DMD: variants seen among roughly 807,000 people sequenced by gnomAD.
DMD encodes dystrophin.
A neutral mutation model predicts 330.1 loss-of-function variants in DMD; 63 were observed. The observed-to-expected ratio is 0.19, with a 90% confidence interval of 0.16 to 0.24. DMD has a LOEUF of 0.24. Among genes scored for constraint, DMD ranks in the 10% least tolerant of loss-of-function variants. DMD has a pLI of 1.00. For synonymous variants in DMD, 1,223 were observed against 959.8 expected (o/e 1.27, Z -5.07); for missense variants, 3,344 against 2,684.1 (o/e 1.25, Z -5.43).
At position 32,501,710 on chromosome X, in the gene DMD, T is replaced by C. The variant is rs779315364; in HGVS notation, c.2380+45A>G. The C allele has an allele frequency of 1.7e-5, 17 of 999,134 alleles. No homozygotes were observed. The Admixed American group carries it at 3.4e-4, about 20-fold the overall frequency. 82.3% of individuals were successfully genotyped at this position (999,134 alleles called of 1,213,427 possible). On this transcript the variant is annotated intron_variant, in intron 19 of 78. Coordinates refer to ENST00000357033, the MANE Select transcript of DMD (RefSeq NM_004006.3). Reference sequence around the variant, plus strand: ...GCTGATAAATATGAACCTATGTGTTTATCAAATCCCTAAGAAGATTATCTA... The same window carrying C: ...GCTGATAAATATGAACCTATGTGTTCATCAAATCCCTAAGAAGATTATCTA...
chrX:31,889,366 C>A (rs932067856), intron 47 of DMD, among the ~76,000 whole-genome samples: 1 of 110,730 alleles, frequency 9.0e-6, no homozygotes, highest in African/African-American at 3.3e-5. Flanking sequence ...TCACCTTGAT[C>A]TAAACCTACC....
chrX:33,156,598 TAAAAC>T lies in DMD; in HGVS notation c.31+54679_31+54683del, dbSNP rs200974263. ...ATAAGCAAGAGAGCCAGATTAAAAATAAAACAAAGTAGAAGGAGGAAAGAATGGGT... is the reference window on the plus strand; with the variant it reads ...ATAAGCAAGAGAGCCAGATTAAAAATAAAGTAGAAGGAGGAAAGAATGGGT... On this transcript the variant is annotated intron_variant, in intron 1 of 78. Transcript: ENST00000357033. Among the ~76,000 whole-genome samples the T allele has an allele frequency of 5.8e-3, 650 of 111,914 alleles. 6 individuals are homozygous for T. Among genetic ancestry groups the T allele is most frequent in the African/African-American group, 0.02 (625 of 30,845 alleles).
At position 31,507,444 on chromosome X, in the gene DMD, C is replaced by A. The variant is rs1359691596; in HGVS notation, c.8227G>T (p.Gly2743Cys). 5.0e-6 allele frequency: 6 copies of A among 1,201,855 alleles called. No homozygotes were observed. In the East Asian group the frequency reaches 1.8e-4, roughly 36 times the overall value. ...ELMKQWQDLQ[G>C]EIEAHTDVYH... ...ACATCTGTGTGAGCTTCAATTTCAC[C>A]TTGGAGGTCCTACAGGACAGCAGGA... The change falls in exon 56 of 79, where the codon GGT becomes TGT. Residue 2743 changes from glycine (G) to cysteine (C), a missense_variant. Gly to Cys is a radical substitution (Grantham distance 159, BLOSUM62 -3). Coordinates refer to ENST00000357033, the MANE Select transcript of DMD (RefSeq NM_004006.3).
At chrX:33,269,471 C>T (rs1032587209) in intron 1 of DMD, among the ~76,000 whole-genome samples, 7 of 110,965 alleles carry the variant, frequency 6.3e-5, no homozygotes, top group African/African-American at 2.3e-4. Context: ...GAGTTAAAAG[C>T]TACCTATTGG....
intron 44 of DMD, among the ~76,000 whole-genome samples, chrX:32,105,126 C>A (rs2096558439): frequency 8.9e-6 from 1 of 111,910 alleles, no homozygotes; most frequent in Non-Finnish European, 1.9e-5. Context: ...TACCAACACA[C>A]GTTAGTGCCA....
chrX:33,223,200 A>G (rs1035886541), intron 1 of DMD, among the ~76,000 whole-genome samples: 1 of 111,817 alleles, frequency 8.9e-6, no homozygotes, highest in Non-Finnish European at 1.9e-5. Flanking sequence ...AATCCCAGCT[A>G]CTTGAGAGGC....
intron 4 of DMD, among the ~76,000 whole-genome samples, chrX:32,841,703 A>C (rs1342217583): frequency 8.9e-6 from 1 of 112,147 alleles, no homozygotes; most frequent in Non-Finnish European, 1.9e-5. Flanking sequence ...ATTTCAGGTA[A>C]AACAGATCCA....
intron 2 of DMD, among the ~76,000 whole-genome samples, chrX:32,912,713 A>T (rs6631674): frequency 9.0e-6 from 1 of 110,763 alleles, no homozygotes; most frequent in Non-Finnish European, 1.9e-5. Context: ...GAGCAAGACT[A>T]TTTCTCTTTT....
chrX:33,265,572 A>T (rs977952800), intron 1 of DMD, among the ~76,000 whole-genome samples: 3 of 111,658 alleles, frequency 2.7e-5, no homozygotes, highest in African/African-American at 9.7e-5. Context: ...ATGATTCCAT[A>T]GCATCAACAA....
chrX:33,203,294 T>A (rs182546512), intron 1 of DMD, among the ~76,000 whole-genome samples: 178 of 112,257 alleles, frequency 1.6e-3, no homozygotes, highest in Non-Finnish European at 3.0e-3. Context: ...GCAATTGAAA[T>A]TGAGACTATG....
At chrX:33,020,904 T>C (rs1431615637) in intron 1 of DMD, among the ~76,000 whole-genome samples, 2 of 110,865 alleles carry the variant, frequency 1.8e-5, no homozygotes, top group Non-Finnish European at 3.8e-5. Flanking sequence ...TATTCCTTCC[T>C]TTGCAGCATC....
At chrX:33,230,446 T>A (rs1254554208) in intron 1 of DMD, among the ~76,000 whole-genome samples, 3 of 111,408 alleles carry the variant, frequency 2.7e-5, no homozygotes, top group Non-Finnish European at 3.8e-5. Context: ...AAGGCATTTT[T>A]AAAAATAAAT....
At chrX:31,522,355 C>CTATATA (rs1264715425) in intron 55 of DMD, among the ~76,000 whole-genome samples, 8 of 60,593 alleles carry the variant, frequency 1.3e-4, no homozygotes, top group African/African-American at 4.5e-4. Context: ...CTCTCTCTCT[C>CTATATA]TCTCTCTCTA....
intron 21 of DMD, among the ~76,000 whole-genome samples, chrX:32,477,818 C>T (rs1016163360): frequency 7.2e-5 from 8 of 110,994 alleles, no homozygotes; most frequent in Admixed American, 4.8e-4. Context: ...AGAAGGAAGA[C>T]GTAACTGTGC....
chrX:33,023,031 T>G (rs889555027), intron 1 of DMD, among the ~76,000 whole-genome samples: 1 of 111,674 alleles, frequency 9.0e-6, no homozygotes, highest in African/African-American at 3.2e-5. Flanking sequence ...ATGATATGGT[T>G]GTTAATACTT....
In DMD at chrX:31,121,909, AAAAGACTTCCTAC is replaced by A. The variant is rs762767369; in HGVS notation, c.11055_*9del. 1.7e-6 allele frequency: 2 copies of A among 1,203,632 alleles called. No homozygotes were observed. Among genetic ancestry groups the A allele is most frequent in the South Asian group, 3.5e-5 (2 of 56,733 alleles). Reference sequence around the variant, plus strand: ...TCTGCCCAAATCATCTGCCATGTGGAAAAGACTTCCTACATTGTGTCCTGGAAAACAAAGAGAA... The same window carrying A: ...TCTGCCCAAATCATCTGCCATGTGGAATTGTGTCCTGGAAAACAAAGAGAA... On this transcript the variant is annotated stop_lost and 3_prime_UTR_variant, in exon 79 of 79. Coordinates refer to ENST00000357033, the MANE Select transcript of DMD (RefSeq NM_004006.3).
intron 51 of DMD, among the ~76,000 whole-genome samples, chrX:31,764,458 G>A (rs745949531): frequency 1.8e-5 from 2 of 111,410 alleles, no homozygotes; most frequent in East Asian, 5.6e-4. Context: ...CCTCAATGAA[G>A]TTGCTACAGG....
At chrX:32,850,551 A>G (rs1271195475) in intron 2 of DMD, among the ~76,000 whole-genome samples, 4 of 112,131 alleles carry the variant, frequency 3.6e-5, no homozygotes, top group Non-Finnish European at 7.5e-5. Flanking sequence ...ACCTCTAAGT[A>G]TCTCATGTAA....
chrX:31,489,759 C>T (rs1386081597), intron 57 of DMD, among the ~76,000 whole-genome samples: 2 of 111,103 alleles, frequency 1.8e-5, no homozygotes, highest in African/African-American at 3.3e-5. Flanking sequence ...AGGAAGAGCA[C>T]AGAAAAAAAT....
Sources: gnomAD v4.1 joint callset for allele counts (sites outside exome capture counted in the v4.1 genomes callset) on GRCh38, gnomAD v4.1.1 for gene constraint, MANE v1.5 for transcripts, NCBI Gene and HGNC (gene_info 2026-07-23, HGNC 2026-07-21) for gene names.